C2CD4C: variants seen among roughly 807,000 people sequenced by gnomAD.
C2CD4C encodes C2 calcium-dependent domain-containing protein 4C.
A neutral mutation model predicts 4.1 loss-of-function variants in C2CD4C; 3 were observed. That is an observed-to-expected ratio of 0.73 (90% CI 0.33 to 1.88). The LOEUF (loss-of-function observed/expected upper bound fraction) is 1.88, where lower values mean the gene tolerates loss of function less well. Among genes scored for constraint, C2CD4C ranks in the 40% most tolerant of loss-of-function variants. C2CD4C has a pLI of 0.08. For synonymous variants in C2CD4C, 364 were observed against 290.4 expected (o/e 1.25, Z -2.57); for missense variants, 664 against 621.5 (o/e 1.07, Z -0.73).
In C2CD4C at chr19:408,385, G is replaced by A. The variant is rs370641471; in HGVS notation, c.-24C>T. On this transcript the variant is annotated 5_prime_UTR_variant, in exon 2 of 2. Transcript: ENST00000332235. ...ATGGGGGCGGCAGGCAAGAGGCCCGGACAGGGGCTGCAGCGTCTGGGAAGA... is the reference window on the plus strand; with the variant it reads ...ATGGGGGCGGCAGGCAAGAGGCCCGAACAGGGGCTGCAGCGTCTGGGAAGA... The A allele has an allele frequency of 1.3e-6, 2 of 1,539,066 alleles. No homozygotes were observed. The highest frequency in any genetic ancestry group is 4.0e-5 in the Admixed American group (2 of 49,694).
In C2CD4C at chr19:407,375, G is replaced by C. The variant is rs1412291226; in HGVS notation, c.987C>G (p.Ala329=). Residue 329 remains alanine, a synonymous_variant, in exon 2 of 2, where the codon GCC becomes GCG. Transcript: ENST00000332235. ...QARLRVHLLA[A]EGLYDRLCDA... ...CGCACAGGCGGTCGTAGAGGCCCTC[G>C]GCGGCCAGCAGGTGCACCCGCAGGC... 12 of 1,540,368 alleles carry C rather than the reference G, an allele frequency of 7.8e-6. No homozygotes were observed. Among genetic ancestry groups the C allele is most frequent in the Admixed American group, 2.0e-5 (1 of 50,882 alleles).
chr19:407,530 G>T lies in C2CD4C; in HGVS notation c.832C>A (p.Arg278Ser). The T allele has an allele frequency of 7.2e-7, 1 of 1,384,116 alleles. No homozygotes were observed. Among genetic ancestry groups the T allele is most frequent in the Non-Finnish European group, 9.3e-7 (1 of 1,070,546 alleles). 85.7% of individuals were successfully genotyped at this position (1,384,116 alleles called of 1,614,324 possible). A position where few individuals can be genotyped will look rare whatever the true frequency, so the allele number is the denominator to read the frequency against. Reference protein sequence around the residue: ...STPDASPGSRRRLTRRAPPEP... With the variant: ...STPDASPGSRSRLTRRAPPEP... The stretch of plus-strand genomic sequence containing the variant: ...GGGGGTGCCCGGCGGGTCAGGCGGC[G>T]CCGGCTCCCGGGGCTGGCGTCCGGG... The change falls in exon 2 of 2, where the codon CGC becomes AGC. Residue 278 changes from arginine to serine, a missense_variant. Physicochemically the swap from Arg to Ser is moderately radical, Grantham distance 110. Coordinates refer to ENST00000332235, the MANE Select transcript of C2CD4C (RefSeq NM_001136263.2).
rs943526686 is a variant in C2CD4C, at chr19:407,490, T to G, written c.872A>C (p.Glu291Ala). Residue 291 changes from glutamate (E) to alanine (A), a missense_variant, in exon 2 of 2, where the codon GAG becomes GCG. Physicochemically the swap from Glu to Ala is moderately radical, Grantham distance 107 (BLOSUM62 -1). Coordinates refer to ENST00000332235, the MANE Select transcript of C2CD4C (RefSeq NM_001136263.2). ...TRRAPPEPGP[E>A]SGQARGEHTV... Reference sequence around the variant, plus strand: ...GTGCTCCCCACGCGCCTGGCCCGACTCGGGGCCAGGTTCCGGGGGTGCCCG... The same window carrying G: ...GTGCTCCCCACGCGCCTGGCCCGACGCGGGGCCAGGTTCCGGGGGTGCCCG... The G allele has an allele frequency of 4.3e-6, 6 of 1,379,948 alleles. No individual in the cohort carries two copies. Among genetic ancestry groups the G allele is most frequent in the Non-Finnish European group, 5.6e-6 (6 of 1,071,054 alleles). 85.5% of individuals were successfully genotyped at this position (1,379,948 alleles called of 1,614,324 possible).
chr19:408,472 T>G (rs538867702), intron 1 of C2CD4C, 71 bp from the exon 2 acceptor site: 369 of 307,564 alleles, frequency 1.2e-3, no homozygotes, highest in South Asian at 3.7e-3. Flanking sequence ...CTGCTCCCTG[T>G]GGGGCCTCCC....
rs1974015571 is a variant in C2CD4C, at chr19:407,784, C to T, written c.578G>A (p.Gly193Asp). The change falls in exon 2 of 2, where the codon GGT becomes GAT. Residue 193 changes from glycine (G) to aspartate (D), a missense_variant. Coordinates refer to ENST00000332235, the MANE Select transcript of C2CD4C (RefSeq NM_001136263.2). The part of the protein sequence containing the change: ...RRRAAAKANG[G>D]DGGPREAGGA... ...GCCAGCCTCCCTGGGGCCCCCATCA[C>T]CCCCGTTGGCCTTGGCAGCTGCCCG... 2.6e-6 allele frequency: 4 copies of T among 1,523,918 alleles called. No homozygotes were observed. Among genetic ancestry groups the T allele is most frequent in the Middle Eastern group, 1.7e-4 (1 of 5,792 alleles). The allele number at this position is 1,523,918 out of a possible 1,614,324, so 94.4% of individuals were successfully genotyped here. A position where few individuals can be genotyped will look rare whatever the true frequency, so the allele number is the denominator to read the frequency against.
chr19:407,820 GC>G lies in C2CD4C; in HGVS notation c.541del (p.Ala181ProfsTer25). 6.5e-7 allele frequency: 1 copy of G among 1,540,646 alleles called. No homozygotes were observed. Among genetic ancestry groups the G allele is most frequent in the Non-Finnish European group, 8.8e-7 (1 of 1,142,520 alleles). On this transcript the variant is annotated frameshift_variant, in exon 2 of 2. Transcript: ENST00000332235. LOFTEE classifies it low-confidence loss of function (END_TRUNC). The stretch of plus-strand genomic sequence containing the variant: ...CTTGGCAGCTGCCCGGCGGCGCCCG[GC>G]CCCTGGGGAGCCCACCTGGGCCAGA... Reference protein sequence around the residue: ...GALAQVGSPGAGRRRAAAKAN... With the variant: ...GALAQVGSPGXGRRRAAAKAN...
At position 406,905 on chromosome 19, in the gene C2CD4C, C is replaced by T. The variant is rs1973999208; in HGVS notation, c.*191G>A. ...AGAAATTAATTCATGAAAAATAATA[C>T]TCCAGTCAGCATCGGGTGACCCAGG... On this transcript the variant is annotated 3_prime_UTR_variant, in exon 2 of 2. Coordinates refer to ENST00000332235, the MANE Select transcript of C2CD4C (RefSeq NM_001136263.2). 1 of 567,926 alleles carries T rather than the reference C, an allele frequency of 1.8e-6. No individual in the cohort carries two copies. Among genetic ancestry groups the T allele is most frequent in the African/African-American group, 1.9e-5 (1 of 51,826 alleles). The allele number at this position is 567,926 out of a possible 1,614,324, so 35.2% of individuals were successfully genotyped here. A position where few individuals can be genotyped will look rare whatever the true frequency, so the allele number is the denominator to read the frequency against.
In C2CD4C at chr19:407,036, G is replaced by A. The variant is rs1422921461; in HGVS notation, c.*60C>T. On this transcript the variant is annotated 3_prime_UTR_variant, in exon 2 of 2. Transcript: ENST00000332235. ...GCGGACCCGCCCGCCAGCACCCGGT[G>A]TGGAGGAGAGACCGGGGTCTGCCCT... The A allele has an allele frequency of 6.9e-7, 1 of 1,442,486 alleles. No homozygotes were observed. Among genetic ancestry groups the A allele is most frequent in the Non-Finnish European group, 9.2e-7 (1 of 1,084,440 alleles). The allele number at this position is 1,442,486 out of a possible 1,614,324, so 89.4% of individuals were successfully genotyped here.
rs12978500 is a variant in C2CD4C at position 406,934 on chromosome 19, C to A, written c.*162G>T. 0.69 allele frequency: 376,268 copies of A among 546,802 alleles called. 131,840 individuals are homozygous for A. Among genetic ancestry groups the A allele is most frequent in the East Asian group, 0.82 (23,124 of 28,352 alleles). 33.9% of individuals were successfully genotyped at this position (546,802 alleles called of 1,614,324 possible). A position where few individuals can be genotyped will look rare whatever the true frequency, so the allele number is the denominator to read the frequency against. ...AGTCAGCATCGGGTGACCCAGGAAACCCTGCGTCAGCTACAGCATCAGCGC... is the reference window on the plus strand; with the variant it reads ...AGTCAGCATCGGGTGACCCAGGAAAACCTGCGTCAGCTACAGCATCAGCGC... On this transcript the variant is annotated 3_prime_UTR_variant, in exon 2 of 2. Transcript: ENST00000332235.
At position 408,106 on chromosome 19, in the gene C2CD4C, T is replaced by C; in HGVS notation, c.256A>G (p.Thr86Ala). ...QNLASAAPRQ[T>A]PRSPRLPAKL... The stretch of plus-strand genomic sequence containing the variant: ...GCAGGCAGCCGGGGGCTCCGTGGGG[T>C]CTGGCGGGGGGCCGCAGAGGCCAGG... The change falls in exon 2 of 2, where the codon ACC becomes GCC. Residue 86 changes from threonine (T) to alanine (A), a missense_variant. Physicochemically the swap from Thr to Ala is moderately conservative, Grantham distance 58. Transcript: ENST00000332235. 3.4e-6 allele frequency: 5 copies of C among 1,481,996 alleles called. No individual in the cohort carries two copies. Among genetic ancestry groups the C allele is most frequent in the Non-Finnish European group, 4.5e-6 (5 of 1,118,642 alleles). The allele number at this position is 1,481,996 out of a possible 1,614,324, so 91.8% of individuals were successfully genotyped here.
rs565089844 is a variant in C2CD4C, at chr19:405,449, C to G, written c.*1647G>C. On this transcript the variant is annotated 3_prime_UTR_variant, in exon 2 of 2. Transcript: ENST00000332235. ...AAGCCAACCTCCACCCCCGTATTCC[C>G]GAAACACCTTTATTGCACTATAAAC... The G allele has an allele frequency of 6.6e-6, 1 of 152,152 alleles. No homozygotes were observed. The highest frequency in any genetic ancestry group is 2.4e-5 in the African/African-American group (1 of 41,400). 9.4% of individuals were successfully genotyped at this position (152,152 alleles called of 1,614,324 possible).
At position 407,807 on chromosome 19, in the gene C2CD4C, C is replaced by T; in HGVS notation, c.555G>A (p.Arg185=). 1.3e-6 allele frequency: 2 copies of T among 1,534,200 alleles called. No individual in the cohort carries two copies. Among genetic ancestry groups the T allele is most frequent in the East Asian group, 2.5e-5 (1 of 40,556 alleles). ...CACCCCCGTTGGCCTTGGCAGCTGC[C>T]CGGCGGCGCCCGGCCCCTGGGGAGC... ...QVGSPGAGRR[R]AAAKANGGDG... Residue 185 remains arginine, a synonymous_variant, in exon 2 of 2, where the codon CGG becomes CGA. Transcript: ENST00000332235.
chr19:406,575 C>G lies in C2CD4C; in HGVS notation c.*521G>C, dbSNP rs1184593260. On this transcript the variant is annotated 3_prime_UTR_variant, in exon 2 of 2. Coordinates refer to ENST00000332235, the MANE Select transcript of C2CD4C (RefSeq NM_001136263.2). Reference sequence around the variant, plus strand: ...TGGGAGGGGGCGTCCCGGGCAGAGCCTGGGCCTGGTGTGGCCGCGAGGCCC... The same window carrying G: ...TGGGAGGGGGCGTCCCGGGCAGAGCGTGGGCCTGGTGTGGCCGCGAGGCCC... 1 of 152,724 alleles carries G rather than the reference C, an allele frequency of 6.5e-6. No individual in the cohort carries two copies. The highest frequency in any genetic ancestry group is 2.4e-5 in the African/African-American group (1 of 41,466). 9.5% of individuals were successfully genotyped at this position (152,724 alleles called of 1,614,324 possible).
At position 407,542 on chromosome 19, in the gene C2CD4C, G is replaced by C; in HGVS notation, c.820C>G (p.Pro274Ala). 7.2e-7 allele frequency: 1 copy of C among 1,391,524 alleles called. No homozygotes were observed. Among genetic ancestry groups the C allele is most frequent in the Non-Finnish European group, 9.3e-7 (1 of 1,073,762 alleles). 86.2% of individuals were successfully genotyped at this position (1,391,524 alleles called of 1,614,324 possible). A position where few individuals can be genotyped will look rare whatever the true frequency, so the allele number is the denominator to read the frequency against. ...SADDSTPDASPGSRRRLTRRA... is the reference protein window; with the variant it reads ...SADDSTPDASAGSRRRLTRRA... ...CGGGTCAGGCGGCGCCGGCTCCCGGGGCTGGCGTCCGGGGTGCTGTCGTCC... is the reference window on the plus strand; with the variant it reads ...CGGGTCAGGCGGCGCCGGCTCCCGGCGCTGGCGTCCGGGGTGCTGTCGTCC... Residue 274 changes from proline to alanine, a missense_variant, in exon 2 of 2, where the codon CCC (proline) becomes GCC (alanine). Pro to Ala is a conservative substitution (Grantham distance 27). Transcript: ENST00000332235.
chr19:408,240 A>C lies in C2CD4C; in HGVS notation c.122T>G (p.Val41Gly). 6.7e-7 allele frequency: 1 copy of C among 1,484,060 alleles called. No individual in the cohort carries two copies. Among genetic ancestry groups the C allele is most frequent in the Non-Finnish European group, 8.9e-7 (1 of 1,120,516 alleles). The allele number at this position is 1,484,060 out of a possible 1,614,324, so 91.9% of individuals were successfully genotyped here. The change falls in exon 2 of 2, where the codon GTG (valine) becomes GGG (glycine). Residue 41 changes from valine to glycine, a missense_variant. Coordinates refer to ENST00000332235, the MANE Select transcript of C2CD4C (RefSeq NM_001136263.2). ...KASKGPLYSN[V>G]LTPDKIPDFF... Reference sequence around the variant, plus strand: ...GTCGGGGATCTTGTCGGGCGTCAACACATTGCTGTACAGGGGCCCCTTGGA... The same window carrying C: ...GTCGGGGATCTTGTCGGGCGTCAACCCATTGCTGTACAGGGGCCCCTTGGA...
At position 407,252 on chromosome 19, in the gene C2CD4C, G is replaced by A. The variant is rs1974005553; in HGVS notation, c.1110C>T (p.Val370=). 6.5e-7 allele frequency: 1 copy of A among 1,550,248 alleles called. No homozygotes were observed. The highest frequency in any genetic ancestry group is 2.4e-5 in the East Asian group (1 of 40,916). The change falls in exon 2 of 2, where the codon GTC becomes GTT. Residue 370 remains valine (V), a synonymous_variant. Coordinates refer to ENST00000332235, the MANE Select transcript of C2CD4C (RefSeq NM_001136263.2). Reference sequence around the variant, plus strand: ...CGTCGAAGAAGAAATCCTCGTTGAAGACGGGGCGGCGGCTGTTCTTCACGA... The same window carrying A: ...CGTCGAAGAAGAAATCCTCGTTGAAAACGGGGCGGCGGCTGTTCTTCACGA... ...STIVKNSRRP[V]FNEDFFFDGL...
chr19:408,094 G>A lies in C2CD4C; in HGVS notation c.268C>T (p.Pro90Ser). 1.3e-6 allele frequency: 2 copies of A among 1,490,318 alleles called. No individual in the cohort carries two copies. The highest frequency in any genetic ancestry group is 1.8e-6 in the Non-Finnish European group (2 of 1,122,608). 92.3% of individuals were successfully genotyped at this position (1,490,318 alleles called of 1,614,324 possible). Residue 90 changes from proline (P) to serine (S), a missense_variant, in exon 2 of 2, where the codon CCC becomes TCC. Coordinates refer to ENST00000332235, the MANE Select transcript of C2CD4C (RefSeq NM_001136263.2). ...GCTGCCAGCTTGGCAGGCAGCCGGG[G>A]GCTCCGTGGGGTCTGGCGGGGGGCC... ...SAAPRQTPRSPRLPAKLAAES... is the reference protein window; with the variant it reads ...SAAPRQTPRSSRLPAKLAAES...
chr19:407,209 C>G lies in C2CD4C; in HGVS notation c.1153G>C (p.Val385Leu). 1 of 1,550,264 alleles carries G rather than the reference C, an allele frequency of 6.5e-7. No individual in the cohort carries two copies. Among genetic ancestry groups the G allele is most frequent in the Non-Finnish European group, 8.7e-7 (1 of 1,146,888 alleles). ...TTGATCCTGAGGGCCAGTTTCCGGA[C>G]GCTGGCGGGCCCCAGGCCGTCGAAG... ...FFFDGLGPAS[V>L]RKLALRIKVV... Residue 385 changes from valine to leucine, a missense_variant, in exon 2 of 2, where the codon GTC becomes CTC. Transcript: ENST00000332235.
Position 407,875 on chromosome 19 carries a change from C to T in C2CD4C, c.487G>A (p.Glu163Lys). ...CCGTGCTCACTGTGGAACAGAGACT[C>T]CTTGCGCCTCGTGTGGGGGCTCTCA... ...LAESPHTRRKESLFHSEHGAL... is the reference protein window; with the variant it reads ...LAESPHTRRKKSLFHSEHGAL... Residue 163 changes from glutamate to lysine, a missense_variant, in exon 2 of 2, where the codon GAG becomes AAG. By Grantham distance (56) the Glu-to-Lys change is moderately conservative. Transcript: ENST00000332235. The T allele has an allele frequency of 1.3e-6, 2 of 1,549,250 alleles. No individual in the cohort carries two copies. The highest frequency in any genetic ancestry group is 1.7e-6 in the Non-Finnish European group (2 of 1,146,450).
Sources: gnomAD v4.1 joint callset for allele counts on GRCh38, gnomAD v4.1.1 for gene constraint, MANE v1.5 for transcripts, NCBI Gene and HGNC (gene_info 2026-07-23, HGNC 2026-07-21) for gene names.